Variants in SH3PXD2A observed in about 807,000 individuals in gnomAD.
SH3PXD2A encodes the protein SH3 and PX domains 2A.
A neutral mutation model predicts 115.2 loss-of-function variants in SH3PXD2A; 32 were observed. That is an observed-to-expected ratio of 0.28 (90% CI 0.21 to 0.37). The LOEUF (loss-of-function observed/expected upper bound fraction) is 0.37. SH3PXD2A is among the 10% of genes least tolerant of loss of function. The pLI, the probability that SH3PXD2A is intolerant of heterozygous loss-of-function variation, is 1.00. For synonymous variants in SH3PXD2A, 610 were observed against 629.1 expected (o/e 0.97, Z 0.45); for missense variants, 1,328 against 1,498.7 (o/e 0.89, Z 1.88).
chr10:103,853,335 A>C (rs535264005), intron 1 of SH3PXD2A, among the ~76,000 whole-genome samples: 2 of 152,356 alleles, frequency 1.3e-5, no homozygotes, highest in South Asian at 4.1e-4. Flanking sequence ...TCAGAATCTC[A>C]CCAATAATAA....
At chr10:103,740,697 T>C (rs1359384318) in intron 3 of SH3PXD2A, among the ~76,000 whole-genome samples, 3 of 152,256 alleles carry the variant, frequency 2.0e-5, no homozygotes, top group African/African-American at 7.2e-5. Context: ...TGGCAGCCTC[T>C]CCTCTTCACA....
chr10:103,810,928 ACACATGGACACAGGCGCGCGCGCGCAC>A (rs2039262198), intron 1 of SH3PXD2A, among the ~76,000 whole-genome samples: 1 of 4,852 alleles, frequency 2.1e-4, no homozygotes, highest in African/African-American at 6.6e-4. Flanking sequence ...ACGGAGACAC[ACACATGGACACAGGCGCGCGCGCGCAC>A]ACACACACAC....
In SH3PXD2A at chr10:103,603,409, G is replaced by A. The variant is rs757540290; in HGVS notation, c.1809C>T (p.Phe603=). The stretch of plus-strand genomic sequence containing the variant: ...CATCCTCTGAAGACTCACCCACCTT[G>A]AAGCGGGCCCGCTGCAGAGAAGAGG... The part of the protein sequence containing the change: ...SPASSLQRAR[F]KVGESSEDVA... Residue 603 remains phenylalanine (F), a synonymous_variant, in exon 15 of 15, where the codon TTC becomes TTT. Coordinates refer to ENST00000369774, the MANE Select transcript of SH3PXD2A (RefSeq NM_001394015.1). The A allele has an allele frequency of 2.2e-5, 35 of 1,613,972 alleles. No individual in the cohort carries two copies. The highest frequency in any genetic ancestry group is 2.7e-5 in the African/African-American group (2 of 74,942).
chr10:103,847,262 C>T (rs1291179555), intron 1 of SH3PXD2A, among the ~76,000 whole-genome samples: 1 of 152,122 alleles, frequency 6.6e-6, no homozygotes, highest in Non-Finnish European at 1.5e-5. Flanking sequence ...CTTCCCACTT[C>T]AGCCTCCCGG....
At chr10:103,670,744 C>T (rs2037447045) in intron 6 of SH3PXD2A, among the ~76,000 whole-genome samples, 1 of 152,224 alleles carries the variant, frequency 6.6e-6, no homozygotes, top group Non-Finnish European at 1.5e-5. Flanking sequence ...CAGCAGCCTC[C>T]TTGGGGAGCA....
intron 8 of SH3PXD2A, among the ~76,000 whole-genome samples, chr10:103,657,182 G>A (rs1451204070): frequency 2.0e-5 from 3 of 152,044 alleles, no homozygotes; most frequent in Non-Finnish European, 4.4e-5. Flanking sequence ...CATGCCCGGT[G>A]CCAGGAAGTA....
At chr10:103,706,840 T>C (rs1279951668) in intron 5 of SH3PXD2A, among the ~76,000 whole-genome samples, 1 of 152,064 alleles carries the variant, frequency 6.6e-6, no homozygotes, top group Non-Finnish European at 1.5e-5. Flanking sequence ...TGCCACTTCC[T>C]CCAGGAGGTC....
At chr10:103,724,240 C>T in intron 5 of SH3PXD2A, 30 bp downstream of exon 5, 1 of 1,322,818 alleles carries the variant, frequency 7.6e-7, no homozygotes, top group Non-Finnish European at 1.0e-6. Context: ...GCCTCCCCAG[C>T]ACACAGGAGA....
chr10:103,781,517 G>T (rs1328324194), intron 2 of SH3PXD2A, among the ~76,000 whole-genome samples: 1 of 152,176 alleles, frequency 6.6e-6, no homozygotes, highest in African/African-American at 2.4e-5. Flanking sequence ...CACTGAGTTT[G>T]TTATACAGCA....
intron 2 of SH3PXD2A, among the ~76,000 whole-genome samples, chr10:103,789,435 G>C (rs2039012950): frequency 6.6e-6 from 1 of 152,170 alleles, no homozygotes; most frequent in South Asian, 2.1e-4. Flanking sequence ...CACGTAGCTA[G>C]TGCTCCTCCA....
chr10:103,627,186 G>C lies in SH3PXD2A; in HGVS notation c.621C>G (p.Ser207Arg). The change falls in exon 9 of 15, where the codon AGC becomes AGG. Residue 207 changes from serine to arginine, a missense_variant. Physicochemically the swap from Ser to Arg is moderately radical, Grantham distance 110 (BLOSUM62 -1). Transcript: ENST00000369774. The surrounding 1 kb of genome is among the most constrained non-coding windows in gnomAD (Gnocchi z 4.4). ...GGACCCAGCCCTGCTCCTCAGAAGT[G>C]CTCACGAACCACCAGCCTGCAGGGA... ...EKNESGWWFV[S>R]TSEEQGWVPA... 1 of 1,609,750 alleles carries C rather than the reference G, an allele frequency of 6.2e-7. No homozygotes were observed.
Position 103,855,237 on chromosome 10 carries a change from G to A in SH3PXD2A, c.30C>T (p.Thr10=), listed in dbSNP as rs1466797595. 2.6e-5 allele frequency: 40 copies of A among 1,538,064 alleles called. No individual in the cohort carries two copies. The highest frequency in any genetic ancestry group is 3.2e-5 in the Non-Finnish European group (36 of 1,140,568). The change falls in exon 1 of 15, where the codon ACC becomes ACT. Residue 10 remains threonine, a synonymous_variant. Transcript: ENST00000369774. The part of the protein sequence containing the change: MLAYCVQDA[T]VVDVEKRRNP... ...TCCTCCGCTTCTCCACGTCCACCAC[G>A]GTGGCATCCTGCACGCAGTAGGCGA...
chr10:103,814,619 C>A (rs2039305204), intron 1 of SH3PXD2A, among the ~76,000 whole-genome samples: 1 of 152,076 alleles, frequency 6.6e-6, no homozygotes, highest in Non-Finnish European at 1.5e-5. Flanking sequence ...CTGGTAGATC[C>A]CCTCCCACTC....
intron 13 of SH3PXD2A, among the ~76,000 whole-genome samples, chr10:103,606,432 TAAAAAAAAAAAAA>T (rs533450822): frequency 3.7e-3 from 30 of 8,158 alleles, no homozygotes; most frequent in African/African-American, 0.013. Context: ...AAGAATTTGC[TAAAAAAAAAAAAA>T]AAAAAAAAAA....
At chr10:103,783,390 G>A (rs556560457) in intron 2 of SH3PXD2A, among the ~76,000 whole-genome samples, 32 of 152,298 alleles carry the variant, frequency 2.1e-4, no homozygotes, top group Admixed American at 1.4e-3. Flanking sequence ...TTGATGCGGG[G>A]CTGGACCACG....
intron 1 of SH3PXD2A, among the ~76,000 whole-genome samples, chr10:103,820,436 G>A (rs1469278992): frequency 6.6e-6 from 1 of 152,180 alleles, no homozygotes; most frequent in Non-Finnish European, 1.5e-5. Flanking sequence ...GCTGCATCTG[G>A]TCGGGCTTCC....
In SH3PXD2A at chr10:103,687,040, G is replaced by A. The variant is rs138000574; in HGVS notation, c.427+5988C>T. ...TGGGATTACAGGCATGAGCCACTGC[G>A]CCTGGTTGGGAATGTATTTTTATAG... is the stretch of plus-strand genomic sequence containing the variant. On this transcript the variant is annotated intron_variant, in intron 6 of 14. Coordinates refer to ENST00000369774, the MANE Select transcript of SH3PXD2A (RefSeq NM_001394015.1). Among the ~76,000 whole-genome samples, 404 of 152,264 alleles carry A rather than the reference G, an allele frequency of 2.7e-3. 1 individual carries two copies. Among genetic ancestry groups the A allele is most frequent in the African/African-American group, 9.4e-3 (390 of 41,552 alleles).
At chr10:103,794,595 A>G (rs1234385680) in intron 2 of SH3PXD2A, among the ~76,000 whole-genome samples, 1 of 152,178 alleles carries the variant, frequency 6.6e-6, no homozygotes, top group Non-Finnish European at 1.5e-5. Context: ...GCAACTGAAA[A>G]GGGCATCTGC....
intron 2 of SH3PXD2A, among the ~76,000 whole-genome samples, chr10:103,772,494 C>T (rs1388823040): frequency 6.6e-6 from 1 of 152,234 alleles, no homozygotes; most frequent in Non-Finnish European, 1.5e-5. Flanking sequence ...AAAAGCAGGG[C>T]CCATCGCCAG....
Sources: allele counts gnomAD v4.1 joint callset (sites outside exome capture counted in the v4.1 genomes callset), GRCh38; gene constraint gnomAD v4.1.1; non-coding constraint Gnocchi (gnomAD v3.1); transcripts MANE v1.5; gene names NCBI Gene and HGNC (gene_info 2026-07-23, HGNC 2026-07-21).